EXOC4: variants seen among roughly 807,000 people sequenced by gnomAD.
EXOC4 encodes the protein exocyst complex component 4, also known as SEC8-like 1.
In EXOC4, 71 loss-of-function variants were observed where a neutral mutation model predicts 107.2. That is an observed-to-expected ratio of 0.66 (90% CI 0.55 to 0.81). EXOC4 has a LOEUF of 0.81. Among genes scored for constraint, EXOC4 ranks in the 30% least tolerant of loss-of-function variants. The pLI is 0.00. For missense variants in EXOC4, 1,108 were observed against 1,189.6 expected (o/e 0.93, Z 1.01); for synonymous variants, 456 against 441.2 (o/e 1.03, Z -0.42).
chr7:133,346,108 T>C (rs1795778564), intron 5 of EXOC4, among the ~76,000 whole-genome samples: 1 of 152,180 alleles, frequency 6.6e-6, no homozygotes, highest in Non-Finnish European at 1.5e-5. Flanking sequence ...AAATGCTATT[T>C]AAGATATGTA....
intron 4 of EXOC4, among the ~76,000 whole-genome samples, chr7:133,313,219 C>T (rs1037230900): frequency 6.6e-6 from 1 of 151,080 alleles, no homozygotes; most frequent in Non-Finnish European, 1.5e-5. Flanking sequence ...TGTCTTCACC[C>T]TTGGTCTGTC....
At chr7:133,716,794 G>A (rs1308145368) in intron 10 of EXOC4, among the ~76,000 whole-genome samples, 1 of 152,012 alleles carries the variant, frequency 6.6e-6, no homozygotes, top group Non-Finnish European at 1.5e-5. Context: ...ACAAAAATTA[G>A]CAAGGTGTGG....
At chr7:133,812,026 C>T (rs994483880) in intron 10 of EXOC4, among the ~76,000 whole-genome samples, 6 of 152,046 alleles carry the variant, frequency 3.9e-5, no homozygotes, top group Non-Finnish European at 2.9e-5. Flanking sequence ...CGCCTGGCCA[C>T]GTGGGGTTTT....
intron 7 of EXOC4, among the ~76,000 whole-genome samples, chr7:133,468,167 C>T (rs1584940651): frequency 6.6e-6 from 1 of 152,148 alleles, no homozygotes; most frequent in East Asian, 1.9e-4. Flanking sequence ...GATACAGGAC[C>T]AAAAATACAT....
chr7:133,804,362 G>A (rs12113810), intron 10 of EXOC4, among the ~76,000 whole-genome samples: 18,217 of 152,012 alleles, frequency 0.12, 1,186 homozygotes, highest in Middle Eastern at 0.15. Context: ...ATCATTAGTG[G>A]CTACTTTTTT....
chr7:133,255,850 G>A (rs928939873), intron 1 of EXOC4, among the ~76,000 whole-genome samples: 3 of 152,158 alleles, frequency 2.0e-5, no homozygotes, highest in South Asian at 2.1e-4. Context: ...AGAGTCCTGC[G>A]GGTAAGAGAA....
chr7:133,253,107 G>GGCAGAAGCAGCTGGTGGGAAAT lies in EXOC4; in HGVS notation c.7_28dup (p.Tyr10CysfsTer32). ...CGGCTCTCCCCGCGTCCAAGATGGCGGCAGAAGCAGCTGGTGGGAAATACA... is the reference window on the plus strand; with the variant it reads ...CGGCTCTCCCCGCGTCCAAGATGGCGGCAGAAGCAGCTGGTGGGAAATGCAGAAGCAGCTGGTGGGAAATACA... On this transcript the variant is annotated frameshift_variant, in exon 1 of 18. Coordinates refer to ENST00000253861, the MANE Select transcript of EXOC4 (RefSeq NM_021807.4). LOFTEE classifies it high-confidence loss of function. 1.2e-6 allele frequency: 2 copies of GGCAGAAGCAGCTGGTGGGAAAT among 1,614,102 alleles called. No homozygotes were observed. The highest frequency in any genetic ancestry group is 1.7e-6 in the Non-Finnish European group (2 of 1,179,972).
intron 10 of EXOC4, among the ~76,000 whole-genome samples, chr7:133,739,911 C>T (rs947503778): frequency 1.3e-5 from 2 of 152,134 alleles, no homozygotes; most frequent in African/African-American, 4.8e-5. Context: ...CAGTGTATTT[C>T]CTTGCATCAT....
At chr7:133,686,930 C>T (rs1833332) in intron 10 of EXOC4, among the ~76,000 whole-genome samples, 149,675 of 152,038 alleles carry the variant, frequency 0.98, 73,728 homozygotes, top group Middle Eastern at 1. Context: ...CAGCACAATT[C>T]GCAATTGCAA....
At chr7:133,290,079 A>G (rs925462433) in intron 3 of EXOC4, among the ~76,000 whole-genome samples, 2 of 152,344 alleles carry the variant, frequency 1.3e-5, no homozygotes, top group African/African-American at 4.8e-5. Context: ...GTCCTTCATA[A>G]GAAGCTTTTT....
chr7:134,081,507 C>T, the EXOC4 span, among the ~76,000 whole-genome samples: 1 of 152,182 alleles, frequency 6.6e-6, no homozygotes, highest in Non-Finnish European at 1.5e-5. Flanking sequence ...CTAAAGTATA[C>T]ACTCTTTGAG....
chr7:134,081,763 C>G, the EXOC4 span, among the ~76,000 whole-genome samples: 2 of 152,062 alleles, frequency 1.3e-5, no homozygotes, highest in Admixed American at 1.3e-4. Context: ...AGATAAGGAA[C>G]ACAAGGCAGG....
chr7:134,065,826 T>A (rs1345690505), downstream of EXOC4: 1 of 152,220 alleles, frequency 6.6e-6, no homozygotes, highest in Non-Finnish European at 1.5e-5. Context: ...TAATATGTGC[T>A]CCATGCTACC....
intron 9 of EXOC4, among the ~76,000 whole-genome samples, chr7:133,560,809 A>C (rs144299789): frequency 6.6e-6 from 1 of 152,194 alleles, no homozygotes; most frequent in Non-Finnish European, 1.5e-5. Context: ...CTGTATATAC[A>C]TTTAGGCATA....
chr7:133,914,748 AT>A (rs1439314544), intron 12 of EXOC4, among the ~76,000 whole-genome samples: 2 of 152,222 alleles, frequency 1.3e-5, no homozygotes, highest in Admixed American at 6.5e-5. Flanking sequence ...TTCTGGGCAA[AT>A]GCAAGATTCC....
In EXOC4 at chr7:133,485,059, GAC is replaced by G. The variant is rs199694817; in HGVS notation, c.1417+4925_1417+4926del. On this transcript the variant is annotated intron_variant, in intron 9 of 17. Coordinates refer to ENST00000253861, the MANE Select transcript of EXOC4 (RefSeq NM_021807.4). ...CGCGCCACTGTACTCCAACCTGGGA[GAC>G]ACAGCGAGACTCCGTCTCAAAAAAT... Among the ~76,000 whole-genome samples the G allele has an allele frequency of 6.0e-3, 762 of 127,912 alleles. 10 individuals are homozygous for G. The highest frequency in any genetic ancestry group is 0.023 in the African/African-American group (727 of 31,952). The allele number at this position is 127,912 out of a possible 152,430, so 83.9% of individuals were successfully genotyped here. A position where few individuals can be genotyped will look rare whatever the true frequency, so the allele number is the denominator to read the frequency against.
intron 7 of EXOC4, among the ~76,000 whole-genome samples, chr7:133,441,284 A>G (rs1241366956): frequency 2.0e-5 from 3 of 152,304 alleles, no homozygotes; most frequent in Non-Finnish European, 4.4e-5. Context: ...GAAGGAATGT[A>G]ATGAAGGGAC....
the EXOC4 span, among the ~76,000 whole-genome samples, chr7:134,091,823 A>G: frequency 6.6e-6 from 1 of 152,170 alleles, no homozygotes; most frequent in South Asian, 2.1e-4. Flanking sequence ...TTTAGGTGGG[A>G]AAGGCAGAGA....
chr7:133,632,346 C>G (rs955717366), intron 10 of EXOC4, among the ~76,000 whole-genome samples: 2 of 152,214 alleles, frequency 1.3e-5, no homozygotes, highest in East Asian at 3.9e-4. Flanking sequence ...ATCATTCATT[C>G]TTTCTCTGTG....
Sources: gnomAD v4.1 joint callset for allele counts (sites outside exome capture counted in the v4.1 genomes callset) on GRCh38, gnomAD v4.1.1 for gene constraint, MANE v1.5 for transcripts, NCBI Gene and HGNC (gene_info 2026-07-23, HGNC 2026-07-21) for gene names.